ZNF701: variants seen among roughly 807,000 people sequenced by gnomAD.
The protein encoded by ZNF701 is zinc finger protein 701.
Under a neutral mutation model 7.1 loss-of-function variants are expected in ZNF701, and 6 were observed. The observed-to-expected ratio is 0.84, with a 90% CI of 0.46 to 1.66. The LOEUF (loss-of-function observed/expected upper bound fraction) is 1.66. Among genes scored for constraint, ZNF701 ranks in the 40% most tolerant of loss-of-function variants. The pLI, the probability that ZNF701 is intolerant of heterozygous loss-of-function variation, is 0.01. For missense variants in ZNF701, 541 were observed against 559.2 expected, an observed-to-expected ratio of 0.97 and a Z score of 0.33; for synonymous variants, 166 against 188.2, an observed-to-expected ratio of 0.88 and a Z score of 0.97.
At chr19:52,595,704 A>G in the ZNF701 span, 2 of 1,499,204 alleles carry the variant, frequency 1.3e-6, no homozygotes, top group Admixed American at 1.7e-5. Flanking sequence ...TTGCAAATAC[A>G]TGAAAGTCAT....
At chr19:52,578,820 C>A (rs572520006) in intron 3 of ZNF701, among the ~76,000 whole-genome samples, 1 of 152,110 alleles carries the variant, frequency 6.6e-6, no homozygotes. Context: ...TGCAGTGGTG[C>A]GATCTCGGCT....
rs762217868 is a variant in ZNF701, at chr19:52,582,748, T to TA, written c.696dup (p.His233ThrfsTer12). On this transcript the variant is annotated frameshift_variant, in exon 4 of 4. Coordinates refer to ENST00000391785, the MANE Select transcript of ZNF701 (RefSeq NM_018260.3). LOFTEE classifies it low-confidence loss of function (END_TRUNC). ...AAAGCCTTTAATGGTAGCTCACTCTTAAAAAAACATCAGATAATCCATTTA... is the reference window on the plus strand; with the variant it reads ...AAAGCCTTTAATGGTAGCTCACTCTTAAAAAAAACATCAGATAATCCATTTA... 3 of 1,614,076 alleles carry TA rather than the reference T, an allele frequency of 1.9e-6. No homozygotes were observed. Among genetic ancestry groups the TA allele is most frequent in the South Asian group, 2.2e-5 (2 of 91,068 alleles).
intron 3 of ZNF701, among the ~76,000 whole-genome samples, chr19:52,578,483 C>A (rs554050076): frequency 6.6e-6 from 1 of 152,100 alleles, no homozygotes; most frequent in Non-Finnish European, 1.5e-5. Context: ...TACCTGTCTC[C>A]GCGTCTTGAT....
At chr19:52,592,191 A>T in the ZNF701 span, 3 of 1,570,666 alleles carry the variant, frequency 1.9e-6, no homozygotes, top group South Asian at 1.1e-5. Flanking sequence ...TATACAGGGA[A>T]GTGATGTTGG....
Position 52,575,984 on chromosome 19 carries a change from C to T in ZNF701, c.105C>T (p.Asp35=), listed in dbSNP as rs774060034. ...CTGCTCAGAGGACTCTATACAGAGACGTGATGCTGGAGAATTATAGGAACC... is the reference window on the plus strand; with the variant it reads ...CTGCTCAGAGGACTCTATACAGAGATGTGATGCTGGAGAATTATAGGAACC... ...LDPAQRTLYR[D]VMLENYRNLV... The change falls in exon 3 of 4, where the codon GAC becomes GAT. Residue 35 remains aspartate (D), a synonymous_variant. Transcript: ENST00000391785. 31 of 1,586,928 alleles carry T rather than the reference C, an allele frequency of 2.0e-5. No homozygotes were observed. In the East Asian group the frequency reaches 2.2e-4, roughly 11 times the overall value.
At chr19:52,590,074 A>G (rs2060030895), downstream of ZNF701, among the ~76,000 whole-genome samples, 1 of 141,512 alleles carries the variant, frequency 7.1e-6, no homozygotes, top group African/African-American at 2.7e-5. Flanking sequence ...GATTTCAGGC[A>G]TGAGCCACCG....
chr19:52,582,221 G>C lies in ZNF701; in HGVS notation c.162G>C (p.Met54Ile), dbSNP rs772324812. The change falls in exon 4 of 4, where the codon ATG becomes ATC. Residue 54 changes from methionine to isoleucine, a missense_variant. Transcript: ENST00000391785. The stretch of plus-strand genomic sequence containing the variant: ...TTGTAGATACCTCTTCCAAATGCAT[G>C]ATGAAGATGTTCTCATCAACAGGAC... Reference protein sequence around the residue: ...LVSLDTSSKCMMKMFSSTGQG... With the variant: ...LVSLDTSSKCIMKMFSSTGQG... 3 of 1,581,966 alleles carry C rather than the reference G, an allele frequency of 1.9e-6. No individual in the cohort carries two copies. The highest frequency in any genetic ancestry group is 1.9e-5 in the Admixed American group (1 of 53,622).
rs3840907 is a variant in ZNF701, at chr19:52,585,276, C to CTCCCAGCCTTGCCG, written c.*1821_*1822insCCAGCCTTGCCGTC. The CTCCCAGCCTTGCCG allele has an allele frequency of 0.49, 74,113 of 152,058 alleles. 21,522 individuals are homozygous for CTCCCAGCCTTGCCG. The highest frequency in any genetic ancestry group is 0.83 in the African/African-American group (34,147 of 41,354). The allele number at this position is 152,058 out of a possible 1,614,324, so 9.4% of individuals were successfully genotyped here. A position where few individuals can be genotyped will look rare whatever the true frequency, so the allele number is the denominator to read the frequency against. The stretch of plus-strand genomic sequence containing the variant: ...CGAGTTGGACTCTCGCCCTGGGCTC[C>CTCCCAGCCTTGCCG]TCATCGGCGCCTGGAGGGCAGCGCT... On this transcript the variant is annotated 3_prime_UTR_variant, in exon 4 of 4. Coordinates refer to ENST00000391785, the MANE Select transcript of ZNF701 (RefSeq NM_018260.3).
At chr19:52,597,868 T>A in the ZNF701 span, 1 of 169,898 alleles carries the variant, frequency 5.9e-6, no homozygotes, top group South Asian at 1.4e-4. Context: ...GTCATCCTCT[T>A]GCCCTGCAGG....
downstream of ZNF701, among the ~76,000 whole-genome samples, chr19:52,587,477 C>A (rs951433616): frequency 3.3e-5 from 5 of 152,184 alleles, no homozygotes; most frequent in African/African-American, 9.7e-5. Flanking sequence ...AAGTGACAAG[C>A]AGCCTTTCTT....
chr19:52,572,317 A>G (rs752715114), intron 1 of ZNF701: 9 of 1,203,574 alleles, frequency 7.5e-6, no homozygotes, highest in African/African-American at 1.6e-5. Context: ...GGCCTCCCAA[A>G]GTGCTGGGAT....
the ZNF701 span, chr19:52,597,119 A>G: frequency 2.2e-6 from 2 of 912,932 alleles, no homozygotes; most frequent in African/African-American, 3.3e-5. Context: ...AAATTTTCAG[A>G]CATCGATCAT....
intron 3 of ZNF701, 83 bp downstream of exon 3, chr19:52,576,104 C>T (rs996423931): frequency 1.2e-6 from 2 of 1,601,346 alleles, no homozygotes; most frequent in African/African-American, 2.7e-5. Flanking sequence ...GGAGCCACAT[C>T]CTTGCTTGGC....
At chr19:52,592,353 A>C in the ZNF701 span, 2 of 1,070,616 alleles carry the variant, frequency 1.9e-6, no homozygotes, top group Non-Finnish European at 2.7e-6. Context: ...ATTGTTTTCT[A>C]CAGTGATGAC....
the ZNF701 span, among the ~76,000 whole-genome samples, chr19:52,598,269 A>G: frequency 2.0e-5 from 3 of 152,148 alleles, no homozygotes; most frequent in African/African-American, 7.2e-5. Flanking sequence ...CAAACAATCG[A>G]AGGTAAAACA....
chr19:52,572,948 T>G (rs2059910473), intron 1 of ZNF701: 1 of 285,222 alleles, frequency 3.5e-6, no homozygotes. Context: ...CCTTTCTCCT[T>G]CAGGTCCTGG....
Position 52,583,541 on chromosome 19 carries a change from T to C in ZNF701, c.*84T>C, listed in dbSNP as rs1408442218. ...TTATACTGGAGAGAAACCTTACAAA[T>C]GTGAAGAATGTGACAAAAGTTTTCA... On this transcript the variant is annotated 3_prime_UTR_variant, in exon 4 of 4. Coordinates refer to ENST00000391785, the MANE Select transcript of ZNF701 (RefSeq NM_018260.3). 3.8e-6 allele frequency: 6 copies of C among 1,591,420 alleles called. No individual in the cohort carries two copies. Among genetic ancestry groups the C allele is most frequent in the Non-Finnish European group, 3.4e-6 (4 of 1,161,314 alleles).
At chr19:52,598,447 C>T in the ZNF701 span, among the ~76,000 whole-genome samples, 1 of 151,828 alleles carries the variant, frequency 6.6e-6, no homozygotes, top group Non-Finnish European at 1.5e-5. Context: ...GCAGGGACCT[C>T]GGTAAAGGGG....
rs181127098 is a variant in ZNF701, at chr19:52,584,021, T to C, written c.*564T>C. 1.1e-4 allele frequency: 51 copies of C among 446,826 alleles called. No homozygotes were observed. Among genetic ancestry groups the C allele is most frequent in the African/African-American group, 9.1e-4 (45 of 49,450 alleles). 27.7% of individuals were successfully genotyped at this position (446,826 alleles called of 1,614,324 possible). Reference sequence around the variant, plus strand: ...ATCTTTTGCAAAACGGGAGAATTCATACAGGAGAGAAACCTCACAAGTGTG... The same window carrying C: ...ATCTTTTGCAAAACGGGAGAATTCACACAGGAGAGAAACCTCACAAGTGTG... On this transcript the variant is annotated 3_prime_UTR_variant, in exon 4 of 4. Coordinates refer to ENST00000391785, the MANE Select transcript of ZNF701 (RefSeq NM_018260.3).
Sources: allele counts gnomAD v4.1 joint callset (sites outside exome capture counted in the v4.1 genomes callset), GRCh38; gene constraint gnomAD v4.1.1; transcripts MANE v1.5; gene names NCBI Gene and HGNC (gene_info 2026-07-23, HGNC 2026-07-21).